Variants in PALM2AKAP2 observed in about 807,000 individuals in gnomAD.
PALM2AKAP2 encodes the protein PALM2 and AKAP2 fusion, also known as PALM2-AKAP2 fusion protein.
A neutral mutation model predicts 71.5 loss-of-function variants in PALM2AKAP2; 37 were observed. The ratio of observed to expected loss-of-function variants is 0.52; its 90% confidence interval spans 0.40 to 0.68. The LOEUF (loss-of-function observed/expected upper bound fraction) is 0.68, where lower values mean the gene tolerates loss of function less well. Among genes scored for constraint, PALM2AKAP2 ranks in the 30% least tolerant of loss-of-function variants. The probability of loss-of-function intolerance (pLI) is 0.00; values close to 1 mark genes in which losing one functional copy is unlikely to be tolerated. For missense variants in PALM2AKAP2, 1,224 were observed against 1,191.8 expected (o/e 1.03, Z -0.40); for synonymous variants, 468 against 478.8 (o/e 0.98, Z 0.29).
intron 1 of PALM2AKAP2, among the ~76,000 whole-genome samples, chr9:109,705,110 G>A (rs1238228042): frequency 1.3e-5 from 2 of 152,286 alleles, no homozygotes; most frequent in African/African-American, 4.8e-5. Context: ...CCAGGACAGG[G>A]CTCCGTGAAT....
chr9:110,060,304 T>C (rs1481483461), intron 1 of PALM2AKAP2, among the ~76,000 whole-genome samples: 1 of 152,168 alleles, frequency 6.6e-6, no homozygotes, highest in African/African-American at 2.4e-5. Flanking sequence ...ATATTCACCA[T>C]GTTGGCCAGG....
chr9:109,828,250 G>A (rs1828207649), intron 1 of PALM2AKAP2, among the ~76,000 whole-genome samples: 1 of 152,170 alleles, frequency 6.6e-6, no homozygotes, highest in African/African-American at 2.4e-5. Flanking sequence ...ATGTTTCCAT[G>A]TGTGTGGCAG....
chr9:109,774,589 C>G (rs1298966515), intron 1 of PALM2AKAP2, among the ~76,000 whole-genome samples: 3 of 151,780 alleles, frequency 2.0e-5, no homozygotes, highest in Admixed American at 2.0e-4. Context: ...GGGCAGAATC[C>G]TCTTGTTTAA....
Position 110,018,457 on chromosome 9 carries a change from A to T in PALM2AKAP2, c.582+2418A>T, listed in dbSNP as rs540380609. On this transcript the variant is annotated intron_variant, in intron 7 of 9. Coordinates refer to the PALM2AKAP2 transcript ENST00000302798. ...GGGATTCTCCCACCTCAGCCTCCCA[A>T]GTAGCTGGAATTATAGGCATGTGCC... Among the ~76,000 whole-genome samples the T allele has an allele frequency of 2.7e-4, 41 of 152,114 alleles. No homozygotes were observed. The Middle Eastern group carries it at 0.01, about 38-fold the overall frequency.
chr9:110,103,952 G>A (rs928992396), intron 1 of PALM2AKAP2, among the ~76,000 whole-genome samples: 8 of 152,142 alleles, frequency 5.3e-5, no homozygotes, highest in Non-Finnish European at 5.9e-5. Context: ...CACCTGCCCC[G>A]TCTTCTGGCC....
chr9:110,157,068 C>T (rs1836476063), intron 3 of PALM2AKAP2, among the ~76,000 whole-genome samples: 1 of 152,180 alleles, frequency 6.6e-6, no homozygotes, highest in Admixed American at 6.5e-5. Context: ...TACACCCAAG[C>T]CCTCGGAACT....
chr9:110,015,701 G>C (rs1477701031), intron 6 of PALM2AKAP2, among the ~76,000 whole-genome samples: 1 of 152,192 alleles, frequency 6.6e-6, no homozygotes, highest in African/African-American at 2.4e-5. Flanking sequence ...GCTAGGAATA[G>C]CTCTCTATAA....
intron 1 of PALM2AKAP2, among the ~76,000 whole-genome samples, chr9:109,670,151 T>C (rs990535473): frequency 6.6e-6 from 1 of 152,170 alleles, no homozygotes; most frequent in Non-Finnish European, 1.5e-5. Context: ...GGGGTACATA[T>C]GCCAGTTTGT....
intron 1 of PALM2AKAP2, among the ~76,000 whole-genome samples, chr9:110,122,790 C>T (rs532658389): frequency 7.9e-5 from 12 of 152,286 alleles, no homozygotes; most frequent in African/African-American, 2.2e-4. Context: ...AATCAGGTTA[C>T]GGCAAAACAG....
chr9:110,131,685 A>T (rs1200516860), intron 1 of PALM2AKAP2, among the ~76,000 whole-genome samples: 1 of 152,112 alleles, frequency 6.6e-6, no homozygotes, highest in Non-Finnish European at 1.5e-5. Flanking sequence ...TGACAGTGGA[A>T]CTCAGGAATT....
chr9:109,816,162 G>A (rs777808476), intron 1 of PALM2AKAP2, among the ~76,000 whole-genome samples: 1 of 152,136 alleles, frequency 6.6e-6, no homozygotes, highest in South Asian at 2.1e-4. Context: ...TTGTAGTGTC[G>A]TTCTCCTACA....
At chr9:109,754,524 G>T (rs546172803) in intron 1 of PALM2AKAP2, among the ~76,000 whole-genome samples, 1 of 152,202 alleles carries the variant, frequency 6.6e-6, no homozygotes, top group East Asian at 1.9e-4. Flanking sequence ...CTTGCATTTT[G>T]TCATTGACTT....
intron 1 of PALM2AKAP2, among the ~76,000 whole-genome samples, chr9:109,804,709 G>C (rs1450255151): frequency 6.6e-6 from 1 of 152,048 alleles, no homozygotes; most frequent in African/African-American, 2.4e-5. Flanking sequence ...AATCATAATT[G>C]GTTGATTTTT....
chr9:110,162,175 T>A, intron 3 of PALM2AKAP2, 43 bp downstream of exon 10: 1 of 1,608,118 alleles, frequency 6.2e-7, no homozygotes, highest in Non-Finnish European at 8.5e-7. Flanking sequence ...GAATGCATGA[T>A]CCAGGTGCAT....
intron 6 of PALM2AKAP2, among the ~76,000 whole-genome samples, chr9:109,933,441 G>A (rs1222376701): frequency 2.6e-5 from 4 of 152,284 alleles, no homozygotes; most frequent in Non-Finnish European, 2.9e-5. Flanking sequence ...GCACTTCAAA[G>A]GACACAGGAT....
chr9:110,044,467 T>C (rs1833563055), upstream of PALM2AKAP2, among the ~76,000 whole-genome samples: 1 of 145,812 alleles, frequency 6.9e-6, no homozygotes. Context: ...TTCTCCTGCC[T>C]CAGCCTCCCA....
chr9:109,838,983 T>C (rs111764861), intron 1 of PALM2AKAP2, among the ~76,000 whole-genome samples: 2,122 of 152,350 alleles, frequency 0.014, 45 homozygotes, highest in African/African-American at 0.045. Flanking sequence ...CCATTCCTTC[T>C]GAAACGATTC....
chr9:109,681,537 G>A (rs4292771), intron 1 of PALM2AKAP2, among the ~76,000 whole-genome samples: 29,794 of 152,090 alleles, frequency 0.2, 3,138 homozygotes, highest in Middle Eastern at 0.32. Flanking sequence ...CAATCCAGTA[G>A]GGTGGAAAGA....
intron 1 of PALM2AKAP2, among the ~76,000 whole-genome samples, chr9:109,686,344 G>A (rs977211606): frequency 7.9e-5 from 12 of 152,290 alleles, no homozygotes; most frequent in Admixed American, 2.0e-4. Flanking sequence ...CTTATAAAAC[G>A]TATTTCTTAA....
Sources: allele counts gnomAD v4.1 joint callset (sites outside exome capture counted in the v4.1 genomes callset), GRCh38; gene constraint gnomAD v4.1.1; transcripts MANE v1.5; gene names NCBI Gene and HGNC (gene_info 2026-07-23, HGNC 2026-07-21).